Variants in NAALADL2 observed in about 807,000 individuals in gnomAD.
NAALADL2 encodes N-acetylated alpha-linked acidic dipeptidase like 2.
In NAALADL2, 76 loss-of-function variants were observed where a neutral mutation model predicts 87.2. The ratio of observed to expected loss-of-function variants is 0.87; its 90% CI spans 0.72 to 1.05. The LOEUF is 1.05. NAALADL2 is among the 50% of genes least tolerant of loss of function. The pLI is 0.00. For missense variants in NAALADL2, 1,089 were observed against 945.8 expected, an observed-to-expected ratio of 1.15 and a Z score of -1.99; for synonymous variants, 354 against 331.0, an observed-to-expected ratio of 1.07 and a Z score of -0.75.
chr3:175,218,052 G>T, intron 2 of NAALADL2: 1 of 405,736 alleles, frequency 2.5e-6, no homozygotes, highest in African/African-American at 2.1e-5. Flanking sequence ...GAATTTCAAT[G>T]TTTTTTTTTG....
At chr3:175,522,905 T>C (rs1360807824) in intron 9 of NAALADL2, among the ~76,000 whole-genome samples, 2 of 152,238 alleles carry the variant, frequency 1.3e-5, no homozygotes, top group African/African-American at 4.8e-5. Context: ...TCCAACTGTA[T>C]ATAAGGTTCA....
rs542982883 is a variant in NAALADL2, at chr3:175,258,992, T to C, written c.939+2462T>C. ...ACGCCTGTACTGAAATTGCCACTTG[T>C]AATGGTGACTCATTAGGCAGTGACC... On this transcript the variant is annotated intron_variant, in intron 4 of 13. Transcript: ENST00000454872. 2.6e-5 allele frequency among the ~76,000 whole-genome samples: 4 copies of C among 152,206 alleles called. No homozygotes were observed. The South Asian group carries it at 8.3e-4, about 32-fold the overall frequency.
At chr3:174,539,803 A>C (rs1722053784) in intron 1 of NAALADL2, among the ~76,000 whole-genome samples, 2 of 151,964 alleles carry the variant, frequency 1.3e-5, no homozygotes, top group Non-Finnish European at 1.5e-5. Context: ...TCCAAAATGA[A>C]AATTTCTTTA....
At chr3:175,203,419 TG>T in intron 2 of NAALADL2, among the ~76,000 whole-genome samples, 1 of 152,216 alleles carries the variant, frequency 6.6e-6, no homozygotes, top group East Asian at 1.9e-4. Flanking sequence ...GTTATTGCAG[TG>T]GGGGGATGTG....
chr3:175,182,490 C>T (rs768766443), intron 2 of NAALADL2, among the ~76,000 whole-genome samples: 2 of 151,002 alleles, frequency 1.3e-5, no homozygotes, highest in African/African-American at 2.4e-5. Flanking sequence ...TGGGCTCAAG[C>T]AGCCCTTCCA....
intron 2 of NAALADL2, among the ~76,000 whole-genome samples, chr3:174,713,097 T>C (rs1317022497): frequency 2.0e-5 from 3 of 152,198 alleles, no homozygotes; most frequent in Admixed American, 2.0e-4. Flanking sequence ...AATGATGGGT[T>C]CCAGATTCAT....
At chr3:175,422,773 C>T (rs1336724395) in intron 5 of NAALADL2, among the ~76,000 whole-genome samples, 2 of 151,874 alleles carry the variant, frequency 1.3e-5, no homozygotes. Context: ...GACTTGACAG[C>T]ACCATTGAAC....
intron 8 of NAALADL2, among the ~76,000 whole-genome samples, chr3:175,469,883 C>G (rs1174814046): frequency 1.3e-5 from 2 of 151,950 alleles, no homozygotes; most frequent in East Asian, 1.9e-4. Flanking sequence ...TTTCATAGCA[C>G]TTAAGTAACA....
chr3:175,657,096 T>G (rs1299929588), intron 11 of NAALADL2, among the ~76,000 whole-genome samples: 1 of 152,168 alleles, frequency 6.6e-6, no homozygotes, highest in Non-Finnish European at 1.5e-5. Context: ...AAACTAGTAT[T>G]TAAAGGTGAC....
chr3:174,581,962 A>G (rs768567661), intron 2 of NAALADL2, among the ~76,000 whole-genome samples: 1 of 152,198 alleles, frequency 6.6e-6, no homozygotes, highest in Non-Finnish European at 1.5e-5. Flanking sequence ...AGCACAATTA[A>G]TTCTTTTTTG....
intron 13 of NAALADL2, among the ~76,000 whole-genome samples, chr3:175,795,278 A>G (rs978908584): frequency 5.3e-5 from 8 of 152,206 alleles, no homozygotes; most frequent in African/African-American, 1.7e-4. Flanking sequence ...ATCAGTACAG[A>G]TATCCTAACT....
intron 2 of NAALADL2, among the ~76,000 whole-genome samples, chr3:174,616,634 T>C (rs1473756198): frequency 1.3e-5 from 2 of 151,974 alleles, no homozygotes. Flanking sequence ...TTAATTCTGA[T>C]GCCAGAATCA....
At chr3:175,727,745 T>C (rs536688699) in intron 11 of NAALADL2, among the ~76,000 whole-genome samples, 1 of 152,316 alleles carries the variant, frequency 6.6e-6, no homozygotes, top group African/African-American at 2.4e-5. Context: ...CCTCCAACTA[T>C]TGGCCTTCAC....
intron 4 of NAALADL2, among the ~76,000 whole-genome samples, chr3:175,262,541 C>A (rs1560253409): frequency 6.7e-6 from 1 of 149,326 alleles, no homozygotes; most frequent in Non-Finnish European, 1.5e-5. Context: ...AAAAGGAAAT[C>A]AATATTTAAC....
chr3:174,883,787 A>C (rs898095011), intron 1 of NAALADL2, among the ~76,000 whole-genome samples: 1 of 152,058 alleles, frequency 6.6e-6, no homozygotes, highest in African/African-American at 2.4e-5. Flanking sequence ...GGGTGATCCA[A>C]ACCTTCATTC....
At chr3:175,764,657 C>T (rs1235358961) in intron 13 of NAALADL2, among the ~76,000 whole-genome samples, 2 of 152,050 alleles carry the variant, frequency 1.3e-5, no homozygotes, top group African/African-American at 2.4e-5. Flanking sequence ...TTTTCAAACA[C>T]ATAAGCTCCC....
intron 1 of NAALADL2, among the ~76,000 whole-genome samples, chr3:174,896,224 AAAG>A (rs1196287993): frequency 2.6e-5 from 4 of 152,124 alleles, no homozygotes; most frequent in Non-Finnish European, 4.4e-5. Context: ...CCACACTGAA[AAAG>A]AAGAAGTCAA....
rs1341581359 is a variant in NAALADL2, at chr3:175,249,496, CTGA to C, written c.820-6910_820-6908del. Among the ~76,000 whole-genome samples the C allele has an allele frequency of 7.9e-5, 12 of 152,132 alleles. No homozygotes were observed. In the East Asian group the frequency reaches 1.4e-3, roughly 17 times the overall value. On this transcript the variant is annotated intron_variant, in intron 3 of 13. Transcript: ENST00000454872. ...TAATATTTGCATTTATTCTCTATCACTGATGATAGATATTTTTATTTTTTATTT... is the reference window on the plus strand; with the variant it reads ...TAATATTTGCATTTATTCTCTATCACTGATAGATATTTTTATTTTTTATTT...
In NAALADL2 at chr3:175,803,029, A is replaced by G; in HGVS notation, c.2214A>G (p.Glu738=). 1 of 1,611,886 alleles carries G rather than the reference A, an allele frequency of 6.2e-7. No individual in the cohort carries two copies. The highest frequency in any genetic ancestry group is 1.3e-5 in the African/African-American group (1 of 74,942). ...FYRNILYHLD[E]KTSRFSILIE... is the part of the protein sequence containing the mutation. The stretch of plus-strand genomic sequence containing the variant: ...GAAACATCCTCTACCACCTTGATGA[A>G]AAGACAAGCCGGTTTTCAATACTTA... The change falls in exon 14 of 14, where the codon GAA becomes GAG. Residue 738 remains glutamate, a synonymous_variant. Coordinates refer to ENST00000454872, the MANE Select transcript of NAALADL2 (RefSeq NM_207015.3).
Sources: gnomAD v4.1 joint callset for allele counts (sites outside exome capture counted in the v4.1 genomes callset) on GRCh38, gnomAD v4.1.1 for gene constraint, MANE v1.5 for transcripts, NCBI Gene and HGNC (gene_info 2026-07-23, HGNC 2026-07-21) for gene names.